The following PCDH15 variants were observed in gnomAD, a reference collection of about 807,000 sequenced individuals.
PCDH15 encodes the protein protocadherin-15.
In PCDH15, 129 loss-of-function variants were observed where a neutral mutation model predicts 178.5. The ratio of observed to expected loss-of-function variants is 0.72; its 90% CI spans 0.63 to 0.84. The LOEUF (loss-of-function observed/expected upper bound fraction) is 0.84. PCDH15 is among the 40% of genes least tolerant of loss of function. The probability of loss-of-function intolerance (pLI) is 0.00; values close to 1 mark genes in which losing one functional copy is unlikely to be tolerated. For synonymous variants in PCDH15, 800 were observed against 732.0 expected, an observed-to-expected ratio of 1.09 and a Z score of -1.50; for missense variants, 2,230 against 2,099.9, an observed-to-expected ratio of 1.06 and a Z score of -1.21.
At chr10:54,170,252 A>C (rs1396100910) in intron 13 of PCDH15, among the ~76,000 whole-genome samples, 37 of 91,722 alleles carry the variant, frequency 4.0e-4, no homozygotes, top group Middle Eastern at 5.8e-3. Context: ...CTCTCAAACC[A>C]CAGCAACTTC....
chr10:53,809,564 G>A (rs529846416), intron 37 of PCDH15: 3 of 1,602,152 alleles, frequency 1.9e-6, no homozygotes, highest in Admixed American at 3.4e-5. Flanking sequence ...TTGTGAAAAT[G>A]CAATTGAAGT....
chr10:55,445,975 G>A (rs189644654), intron 2 of PCDH15, among the ~76,000 whole-genome samples: 56 of 152,150 alleles, frequency 3.7e-4, no homozygotes, highest in Non-Finnish European at 6.0e-4. Context: ...AGAAACAAGA[G>A]GTTTACCAGA....
intron 9 of PCDH15, among the ~76,000 whole-genome samples, chr10:54,220,825 A>AAAATAAAT (rs10595887): frequency 0.023 from 3,255 of 143,104 alleles, 55 homozygotes; most frequent in East Asian, 0.066. Flanking sequence ...ACTCCGTCTC[A>AAAATAAAT]AAATAAATAA....
intron 21 of PCDH15, among the ~76,000 whole-genome samples, chr10:53,975,570 A>T (rs371077834): frequency 4.1e-4 from 62 of 152,114 alleles, no homozygotes; most frequent in African/African-American, 1.1e-3. Context: ...AGTTGCTTGT[A>T]TGTTTTCTTT....
chr10:55,379,607 CTAAATACTTATTTAGCTG>C (rs1490299663), intron 2 of PCDH15, among the ~76,000 whole-genome samples: 19 of 151,966 alleles, frequency 1.3e-4, no homozygotes, highest in Non-Finnish European at 2.1e-4. Flanking sequence ...AAGGCTACAG[CTAAATACTTATTTAGCTG>C]TAAATACTTA....
intron 1 of PCDH15, among the ~76,000 whole-genome samples, chr10:54,668,075 A>C (rs1473909514): frequency 6.6e-6 from 1 of 152,074 alleles, no homozygotes; most frequent in Admixed American, 6.6e-5. Flanking sequence ...TATTTCCTGC[A>C]AGATAAATCT....
chr10:55,407,669 C>T (rs1002768183), intron 2 of PCDH15, among the ~76,000 whole-genome samples: 7 of 152,248 alleles, frequency 4.6e-5, no homozygotes, highest in Admixed American at 2.6e-4. Context: ...TAGTCAACCT[C>T]CAAAGTGCAT....
At chr10:55,463,508 G>A (rs534632901) in intron 2 of PCDH15, among the ~76,000 whole-genome samples, 1 of 152,026 alleles carries the variant, frequency 6.6e-6, no homozygotes, top group Admixed American at 6.6e-5. Flanking sequence ...AAATAAATTA[G>A]CCAGGTGCAG....
At chr10:55,526,311 C>T (rs569582245) in intron 2 of PCDH15, among the ~76,000 whole-genome samples, 1 of 151,922 alleles carries the variant, frequency 6.6e-6, no homozygotes, top group Admixed American at 6.6e-5. Context: ...CTGTGTATAT[C>T]CAATACGTAG....
intron 1 of PCDH15, among the ~76,000 whole-genome samples, chr10:55,266,903 G>A (rs1258913385): frequency 1.3e-5 from 2 of 152,186 alleles, no homozygotes; most frequent in African/African-American, 4.8e-5. Flanking sequence ...TAAACTGAAA[G>A]AGCACATTCT....
At chr10:54,214,147 A>C (rs2051744893) in intron 9 of PCDH15, 99 bp from the exon 10 acceptor site, 1 of 707,080 alleles carries the variant, frequency 1.4e-6, no homozygotes, top group African/African-American at 1.8e-5. Context: ...ACAAAGCTAC[A>C]ATTTCATTAG....
intron 2 of PCDH15, among the ~76,000 whole-genome samples, chr10:55,394,522 T>C (rs1447065590): frequency 6.6e-6 from 1 of 151,992 alleles, no homozygotes; most frequent in Non-Finnish European, 1.5e-5. Context: ...CTGCCCCAGA[T>C]CTCAATATAC....
At chr10:54,831,241 C>G (rs142626550) in intron 3 of PCDH15, among the ~76,000 whole-genome samples, 15 of 151,898 alleles carry the variant, frequency 9.9e-5, no homozygotes, top group African/African-American at 3.4e-4. Flanking sequence ...TTTTCATGCT[C>G]TTAATATTTT....
intron 6 of PCDH15, among the ~76,000 whole-genome samples, chr10:54,344,102 A>ATT (rs1942789633): frequency 6.6e-6 from 1 of 152,122 alleles, no homozygotes; most frequent in Admixed American, 6.5e-5. Context: ...GTTTACACTA[A>ATT]TTTTATATGA....
intron 1 of PCDH15, among the ~76,000 whole-genome samples, chr10:55,265,311 G>GAGATATATATATATATATATATATAT (rs1666385449): frequency 6.2e-5 from 9 of 144,250 alleles, no homozygotes; most frequent in African/African-American, 2.4e-4. Context: ...GTATCTCTAT[G>GAGATATATATATATATATATATATAT]ATATATATAT....
intron 2 of PCDH15, among the ~76,000 whole-genome samples, chr10:54,579,176 A>T (rs2090795059): frequency 6.6e-6 from 1 of 151,856 alleles, no homozygotes; most frequent in Non-Finnish European, 1.5e-5. Flanking sequence ...TGGTCCAAAC[A>T]CCCCACTTAG....
At chr10:54,736,050 A>G (rs924104505) in intron 1 of PCDH15, among the ~76,000 whole-genome samples, 2 of 152,004 alleles carry the variant, frequency 1.3e-5, no homozygotes, top group Non-Finnish European at 2.9e-5. Context: ...TCTGAATGTC[A>G]AGATCTCGAC....
intron 1 of PCDH15, among the ~76,000 whole-genome samples, chr10:55,283,458 CTT>C (rs1842785917): frequency 1.3e-5 from 2 of 152,014 alleles, no homozygotes; most frequent in South Asian, 2.1e-4. Flanking sequence ...GAATTAAACT[CTT>C]TCTCTATTGC....
At chr10:54,745,162 G>A (rs201745437) in intron 1 of PCDH15, among the ~76,000 whole-genome samples, 29 of 151,280 alleles carry the variant, frequency 1.9e-4, no homozygotes, top group Non-Finnish European at 3.4e-4. Context: ...TCAATTCACC[G>A]GGTTATGGTT....
Sources: allele counts gnomAD v4.1 joint callset (sites outside exome capture counted in the v4.1 genomes callset), GRCh38; gene constraint gnomAD v4.1.1; transcripts MANE v1.5; gene names NCBI Gene and HGNC (gene_info 2026-07-23, HGNC 2026-07-21).